Variants in LAMA2 observed in about 807,000 individuals in gnomAD.
The protein encoded by LAMA2 is laminin subunit alpha-2.
In LAMA2, 269 loss-of-function variants were observed where a neutral mutation model predicts 364.8. The ratio of observed to expected loss-of-function variants is 0.74; its 90% CI spans 0.67 to 0.82. LAMA2 has a LOEUF of 0.82. Ranked by LOEUF, LAMA2 falls within the 40% of genes least tolerant of loss-of-function variation. The pLI is 0.00. For synonymous variants in LAMA2, 1,379 were observed against 1,370.6 expected, an observed-to-expected ratio of 1.01 and a Z score of -0.14; for missense variants, 3,807 against 3,873.2, an observed-to-expected ratio of 0.98 and a Z score of 0.45.
At chr6:128,923,606 G>T (rs1281331228) in intron 1 of LAMA2, among the ~76,000 whole-genome samples, 2 of 152,148 alleles carry the variant, frequency 1.3e-5, no homozygotes, top group Non-Finnish European at 2.9e-5. Flanking sequence ...TGAAGATATA[G>T]ATAGTAGAAT....
At chr6:129,459,157 C>T (rs907879564) in intron 48 of LAMA2, among the ~76,000 whole-genome samples, 2 of 152,054 alleles carry the variant, frequency 1.3e-5, no homozygotes, top group African/African-American at 4.8e-5. Flanking sequence ...TAGCCTACTG[C>T]TCCAAGGCTA....
chr6:129,005,424 C>T (rs1243344623), intron 1 of LAMA2, among the ~76,000 whole-genome samples: 3 of 151,918 alleles, frequency 2.0e-5, no homozygotes, highest in Non-Finnish European at 4.4e-5. Flanking sequence ...ACATTCTCAT[C>T]AGGCTTTTTA....
At chr6:128,936,822 A>AT (rs1779844926) in intron 1 of LAMA2, among the ~76,000 whole-genome samples, 1 of 152,090 alleles carries the variant, frequency 6.6e-6, no homozygotes, top group African/African-American at 2.4e-5. Flanking sequence ...GTTATTATTG[A>AT]TTTTCTGATG....
chr6:128,934,758 C>T (rs1779708850), intron 1 of LAMA2, among the ~76,000 whole-genome samples: 1 of 152,262 alleles, frequency 6.6e-6, no homozygotes, highest in Middle Eastern at 3.4e-3. Flanking sequence ...ATCTGCCCAC[C>T]TCAGCCTCCC....
rs549956055 is a variant in LAMA2 at position 129,270,662 on chromosome 6, A to C, written c.2361A>C (p.Lys787Asn). ...KDHTGGPYCDKCLPGFYGEPT... is the reference protein window; with the variant it reads ...KDHTGGPYCDNCLPGFYGEPT... Reference sequence around the variant, plus strand: ...ACACAGGTGGCCCATATTGTGATAAATGTCTTCCTGGTTTCTATGGCGAGC... The same window carrying C: ...ACACAGGTGGCCCATATTGTGATAACTGTCTTCCTGGTTTCTATGGCGAGC... The change falls in exon 17 of 65, where the codon AAA becomes AAC. Residue 787 changes from lysine (K) to asparagine (N), a missense_variant. Lys to Asn is a moderately conservative substitution (Grantham distance 94). This residue lies in a region of LAMA2 where 3,333 missense variants were observed against 3,345.7 expected (regional missense o/e 1.00). Transcript: ENST00000421865. The C allele has an allele frequency of 2.4e-5, 38 of 1,613,048 alleles. No homozygotes were observed. In the East Asian group the frequency reaches 2.7e-4, roughly 11 times the overall value.
At chr6:129,118,578 T>C (rs1776609432) in intron 4 of LAMA2, among the ~76,000 whole-genome samples, 1 of 152,250 alleles carries the variant, frequency 6.6e-6, no homozygotes, top group Non-Finnish European at 1.5e-5. Context: ...CAATTTATTG[T>C]AGTCCACTTG....
chr6:129,242,654 C>T lies in LAMA2; in HGVS notation c.1783-7458C>T, dbSNP rs564598200. On this transcript the variant is annotated intron_variant, in intron 12 of 64. Transcript: ENST00000421865. Reference sequence around the variant, plus strand: ...TATTTACACACAAATTAATCTAGCCCATAGTAAAAGTGCTAATGGAATGTT... The same window carrying T: ...TATTTACACACAAATTAATCTAGCCTATAGTAAAAGTGCTAATGGAATGTT... Among the ~76,000 whole-genome samples the T allele has an allele frequency of 5.3e-5, 8 of 152,112 alleles. No individual in the cohort carries two copies. In the East Asian group the frequency reaches 1.5e-3, roughly 29 times the overall value.
intron 4 of LAMA2, among the ~76,000 whole-genome samples, chr6:129,117,711 T>G (rs1269819770): frequency 6.6e-6 from 1 of 152,240 alleles, no homozygotes; most frequent in Non-Finnish European, 1.5e-5. Flanking sequence ...TCACATGCCT[T>G]GTGCCAAGTA....
intron 49 of LAMA2, among the ~76,000 whole-genome samples, chr6:129,462,572 TTAA>T (rs1228754276): frequency 6.6e-6 from 1 of 152,036 alleles, no homozygotes; most frequent in Non-Finnish European, 1.5e-5. Context: ...CCTATATTTT[TTAA>T]TGTTTTAGTG....
chr6:129,504,586 A>C (rs1053810594), intron 60 of LAMA2, among the ~76,000 whole-genome samples: 1 of 152,138 alleles, frequency 6.6e-6, no homozygotes, highest in Non-Finnish European at 1.5e-5. Context: ...GCCAGTCTTT[A>C]CACCCCTTAT....
intron 20 of LAMA2, among the ~76,000 whole-genome samples, chr6:129,294,646 A>G (rs980179083): frequency 2.6e-5 from 4 of 152,194 alleles, no homozygotes; most frequent in African/African-American, 9.6e-5. Flanking sequence ...ATAAACATTC[A>G]GTCCATTACA....
At chr6:129,496,038 G>A (rs886426787) in intron 58 of LAMA2, among the ~76,000 whole-genome samples, 2 of 152,142 alleles carry the variant, frequency 1.3e-5, no homozygotes, top group Non-Finnish European at 2.9e-5. Context: ...CTCTTAACTT[G>A]CACATGAGGA....
intron 11 of LAMA2, among the ~76,000 whole-genome samples, 172 bp from the exon 12 acceptor site, chr6:129,192,508 A>G (rs1360170475): frequency 1.3e-5 from 2 of 152,242 alleles, no homozygotes. Flanking sequence ...CTATGTGAGT[A>G]CATATAATAT....
chr6:129,427,681 C>T, intron 40 of LAMA2, 71 bp from the exon 41 acceptor site: 2 of 1,082,550 alleles, frequency 1.8e-6, no homozygotes. Context: ...TGTGTACCAA[C>T]TGCCTTCTGG....
rs530503673 is a variant in LAMA2, at chr6:128,956,948, C to T, written c.112+73591C>T. ...ACTGCATGGAAATATCAAAGCAGTGCAATTCTTTCATAAATTAAAGGTTAT... is the reference window on the plus strand; with the variant it reads ...ACTGCATGGAAATATCAAAGCAGTGTAATTCTTTCATAAATTAAAGGTTAT... On this transcript the variant is annotated intron_variant, in intron 1 of 64. Transcript: ENST00000421865. Among the ~76,000 whole-genome samples the T allele has an allele frequency of 2.0e-5, 3 of 152,052 alleles. No individual in the cohort carries two copies. In the East Asian group the frequency reaches 5.8e-4, roughly 29 times the overall value.
chr6:129,258,405 A>G (rs1786860913), intron 14 of LAMA2, among the ~76,000 whole-genome samples: 1 of 152,096 alleles, frequency 6.6e-6, no homozygotes, highest in African/African-American at 2.4e-5. Flanking sequence ...AGTGAACATT[A>G]GTCATTAAAA....
At chr6:129,098,037 T>G in intron 3 of LAMA2, 136 bp from the exon 4 acceptor site, 1 of 1,059,328 alleles carries the variant, frequency 9.4e-7, no homozygotes, top group Non-Finnish European at 1.4e-6. Context: ...AATAGTAAAA[T>G]CATTTCAGAG....
chr6:128,925,804 TA>T (rs1487519959), intron 1 of LAMA2, among the ~76,000 whole-genome samples: 1 of 151,974 alleles, frequency 6.6e-6, no homozygotes, highest in Non-Finnish European at 1.5e-5. Context: ...ATATATGGTT[TA>T]TTCTTTGATT....
At chr6:129,062,315 TCTAAAG>T (rs1788975592) in intron 3 of LAMA2, among the ~76,000 whole-genome samples, 1 of 152,152 alleles carries the variant, frequency 6.6e-6, no homozygotes, top group Non-Finnish European at 1.5e-5. Context: ...TGGCCTTCTT[TCTAAAG>T]CTTATTATGG....
Sources: allele counts gnomAD v4.1 joint callset (sites outside exome capture counted in the v4.1 genomes callset), GRCh38; gene constraint gnomAD v4.1.1; regional missense constraint gnomAD v4.1.1; transcripts MANE v1.5; gene names NCBI Gene and HGNC (gene_info 2026-07-23, HGNC 2026-07-21).